Variants in KCTD8 observed in about 807,000 individuals in gnomAD.
KCTD8 encodes potassium channel tetramerization domain containing 8.
Under a neutral mutation model 31.5 loss-of-function variants are expected in KCTD8, and 27 were observed. That is an observed-to-expected ratio of 0.86 (90% CI 0.63 to 1.18). The LOEUF is 1.18. Among genes scored for constraint, KCTD8 ranks in the 50% most tolerant of loss-of-function variants. KCTD8 has a pLI of 0.00. For synonymous variants in KCTD8, 290 were observed against 280.0 expected (o/e 1.04, Z -0.36); for missense variants, 658 against 647.7 (o/e 1.02, Z -0.17).
chr4:44,267,345 A>G (rs1217197879), intron 1 of KCTD8, among the ~76,000 whole-genome samples: 4 of 152,204 alleles, frequency 2.6e-5, no homozygotes, highest in African/African-American at 9.6e-5. Context: ...TTTGAAACCA[A>G]TGAGAACAAA....
intron 1 of KCTD8, among the ~76,000 whole-genome samples, chr4:44,343,015 T>C (rs1718944912): frequency 1.3e-5 from 2 of 152,240 alleles, no homozygotes; most frequent in Non-Finnish European, 2.9e-5. Context: ...CAGCAATGTC[T>C]GTTTCACTTT....
chr4:44,390,544 G>C (rs754421743), intron 1 of KCTD8, among the ~76,000 whole-genome samples: 5 of 151,806 alleles, frequency 3.3e-5, no homozygotes, highest in Admixed American at 1.3e-4. Context: ...TGGTGACTAT[G>C]GCCTTATAGT....
At chr4:44,358,567 C>CTTTTTT (rs113573085) in intron 1 of KCTD8, among the ~76,000 whole-genome samples, 2 of 147,592 alleles carry the variant, frequency 1.4e-5, no homozygotes, top group African/African-American at 2.5e-5. Flanking sequence ...TGTTTCCTGA[C>CTTTTTT]TTTTTTTTTT....
intron 1 of KCTD8, among the ~76,000 whole-genome samples, chr4:44,419,100 A>G (rs944297572): frequency 2.0e-5 from 3 of 152,300 alleles, no homozygotes; most frequent in Admixed American, 1.3e-4. Flanking sequence ...GAATATTCCA[A>G]ATCTCCAAAT....
intron 1 of KCTD8, among the ~76,000 whole-genome samples, chr4:44,437,955 G>A (rs1265653779): frequency 6.6e-6 from 1 of 152,012 alleles, no homozygotes; most frequent in East Asian, 1.9e-4. Flanking sequence ...CCAATAATTT[G>A]CGACCACCAC....
chr4:44,181,934 CG>C (rs1365601840), intron 1 of KCTD8, among the ~76,000 whole-genome samples: 2 of 140,998 alleles, frequency 1.4e-5, no homozygotes, highest in Non-Finnish European at 3.3e-5. Context: ...CCCCTCCACC[CG>C]GCAGCCGCCC....
At chr4:44,190,613 T>C (rs1180444026) in intron 1 of KCTD8, among the ~76,000 whole-genome samples, 1 of 152,174 alleles carries the variant, frequency 6.6e-6, no homozygotes, top group Non-Finnish European at 1.5e-5. Flanking sequence ...GTAAATAATC[T>C]GGGTGACTCA....
At chr4:44,240,856 T>C (rs1311250124) in intron 1 of KCTD8, among the ~76,000 whole-genome samples, 4 of 152,228 alleles carry the variant, frequency 2.6e-5, no homozygotes, top group Admixed American at 2.6e-4. Context: ...CAGTGGCTAT[T>C]GTGCAACTGT....
At chr4:44,279,847 T>C (rs756069543) in intron 1 of KCTD8, among the ~76,000 whole-genome samples, 15 of 152,150 alleles carry the variant, frequency 9.9e-5, no homozygotes, top group South Asian at 4.1e-4. Context: ...TGTTGGCTTG[T>C]GTCTCATCTT....
chr4:44,276,340 C>A (rs1716750209), intron 1 of KCTD8, among the ~76,000 whole-genome samples: 1 of 151,738 alleles, frequency 6.6e-6, no homozygotes, highest in Admixed American at 6.6e-5. Flanking sequence ...GTTATATATC[C>A]TTTAATAATG....
intron 1 of KCTD8, among the ~76,000 whole-genome samples, chr4:44,222,547 A>T (rs768771316): frequency 1.3e-5 from 2 of 152,174 alleles, no homozygotes; most frequent in Non-Finnish European, 2.9e-5. Flanking sequence ...GCAAAATGTG[A>T]GCTGCCACAT....
intron 1 of KCTD8, among the ~76,000 whole-genome samples, chr4:44,295,185 A>G (rs1250307417): frequency 2.0e-5 from 3 of 151,928 alleles, no homozygotes; most frequent in South Asian, 4.1e-4. Context: ...AGTTCCAGCT[A>G]CTCTGGGGTC....
chr4:44,292,956 A>G (rs1442736366), intron 1 of KCTD8, among the ~76,000 whole-genome samples: 1 of 152,062 alleles, frequency 6.6e-6, no homozygotes, highest in Non-Finnish European at 1.5e-5. Context: ...TACACCCCCT[A>G]TTTTGTTTGA....
intron 1 of KCTD8, among the ~76,000 whole-genome samples, chr4:44,336,022 C>T (rs1345791518): frequency 1.4e-5 from 2 of 148,124 alleles, no homozygotes; most frequent in African/African-American, 2.5e-5. Flanking sequence ...TAGTGGCGGG[C>T]GCCTGTAGTC....
chr4:44,415,273 C>T (rs1490215566), intron 1 of KCTD8, among the ~76,000 whole-genome samples: 3 of 152,018 alleles, frequency 2.0e-5, no homozygotes, highest in African/African-American at 7.2e-5. Flanking sequence ...GATATGAGAA[C>T]AAAGAAATGA....
At chr4:44,256,683 G>A (rs1716003257) in intron 1 of KCTD8, among the ~76,000 whole-genome samples, 2 of 151,998 alleles carry the variant, frequency 1.3e-5, no homozygotes, top group African/African-American at 4.8e-5. Context: ...TTGTAAGCAG[G>A]AGGCAGGAGG....
At chr4:44,436,175 A>T (rs2109480983) in intron 1 of KCTD8, among the ~76,000 whole-genome samples, 1 of 152,240 alleles carries the variant, frequency 6.6e-6, no homozygotes, top group East Asian at 1.9e-4. Context: ...TTGCCTAAAA[A>T]CAAAAGAGTC....
At chr4:44,384,165 C>G (rs1458950084) in intron 1 of KCTD8, among the ~76,000 whole-genome samples, 1 of 151,178 alleles carries the variant, frequency 6.6e-6, no homozygotes, top group Admixed American at 6.6e-5. Flanking sequence ...AAAAAAATAA[C>G]AAATGCTGGT....
intron 1 of KCTD8, among the ~76,000 whole-genome samples, chr4:44,342,088 T>A (rs1375695010): frequency 6.6e-6 from 1 of 152,144 alleles, no homozygotes. Context: ...TTGAAAGGAA[T>A]AGGCTGGGCG....
Sources: gnomAD v4.1 joint callset for allele counts (sites outside exome capture counted in the v4.1 genomes callset) on GRCh38, gnomAD v4.1.1 for gene constraint, MANE v1.5 for transcripts, NCBI Gene and HGNC (gene_info 2026-07-23, HGNC 2026-07-21) for gene names.